The following NHSL1 variants were observed in gnomAD, a reference collection of about 807,000 sequenced individuals.
NHSL1 encodes the protein NHS like 1.
NHSL1 carries 48 observed loss-of-function variants against 95.0 expected under a neutral mutation model. The observed-to-expected ratio is 0.51, with a 90% confidence interval of 0.40 to 0.64. The LOEUF is 0.64. Ranked by LOEUF, NHSL1 falls within the 30% of genes least tolerant of loss-of-function variation. NHSL1 has a pLI of 0.00. For missense variants in NHSL1, 1,971 were observed against 2,077.7 expected (o/e 0.95, Z 1.00); for synonymous variants, 783 against 833.9 (o/e 0.94, Z 1.05).
At position 138,650,393 on chromosome 6, in the gene NHSL1, G is replaced by T. The variant is rs747683280; in HGVS notation, c.96+42083C>A. 3.5e-6 allele frequency: 5 copies of T among 1,413,994 alleles called. No individual in the cohort carries two copies. In the Admixed American group the frequency reaches 5.2e-5, roughly 15 times the overall value. 87.6% of individuals were successfully genotyped at this position (1,413,994 alleles called of 1,614,324 possible). ...CACAGTTGTTCACAGCCATGAGGTC[G>T]CCGACTAGCAGGAAGGGGTAGGTCA... On this transcript the variant is annotated intron_variant, in intron 1 of 3. Coordinates refer to the NHSL1 transcript ENST00000491526.
intron 1 of NHSL1, among the ~76,000 whole-genome samples, chr6:138,605,148 G>A (rs1027995492): frequency 1.3e-5 from 2 of 152,146 alleles, no homozygotes; most frequent in Non-Finnish European, 2.9e-5. Context: ...GCAGAAAACT[G>A]ACTGGCATGA....
intron 1 of NHSL1, among the ~76,000 whole-genome samples, chr6:138,621,671 T>C (rs1424164655): frequency 6.6e-6 from 1 of 152,172 alleles, no homozygotes; most frequent in African/African-American, 2.4e-5. Context: ...GGTTTCACCA[T>C]GTTGGCCAGG....
chr6:138,532,825 T>C (rs545824608), intron 1 of NHSL1, among the ~76,000 whole-genome samples: 1 of 152,242 alleles, frequency 6.6e-6, no homozygotes, highest in Non-Finnish European at 1.5e-5. Flanking sequence ...TCCAGGCTCA[T>C]CCCGAATGTG....
intron 1 of NHSL1, among the ~76,000 whole-genome samples, chr6:138,608,229 G>C: frequency 6.6e-6 from 1 of 152,222 alleles, no homozygotes; most frequent in South Asian, 2.1e-4. Context: ...AGAAAATCAT[G>C]AAAATTACTT....
intron 1 of NHSL1, among the ~76,000 whole-genome samples, chr6:138,541,984 G>A (rs73774828): frequency 6.2e-4 from 95 of 152,284 alleles, no homozygotes; most frequent in African/African-American, 2.1e-3. Flanking sequence ...GTTGAATAGC[G>A]TCCTCCCAAA....
At chr6:138,595,596 T>C (rs1054196911) in intron 1 of NHSL1, among the ~76,000 whole-genome samples, 2 of 152,190 alleles carry the variant, frequency 1.3e-5, no homozygotes, top group African/African-American at 4.8e-5. Flanking sequence ...AACAGATATA[T>C]TAAGTCTTTT....
intron 5 of NHSL1, among the ~76,000 whole-genome samples, chr6:138,439,855 G>A (rs1340546266): frequency 6.6e-6 from 1 of 151,794 alleles, no homozygotes; most frequent in Non-Finnish European, 1.5e-5. Context: ...AAATGAACGT[G>A]GATTCCAGAG....
intron 1 of NHSL1, among the ~76,000 whole-genome samples, chr6:138,526,070 G>C (rs72975229): frequency 4.2e-5 from 6 of 141,468 alleles, no homozygotes; most frequent in Non-Finnish European, 9.0e-5. Context: ...TCTAACCTGA[G>C]CAACAGAGCG....
At chr6:138,681,323 G>C (rs758778896) in intron 1 of NHSL1, among the ~76,000 whole-genome samples, 11 of 152,216 alleles carry the variant, frequency 7.2e-5, no homozygotes, top group Non-Finnish European at 1.3e-4. Context: ...CTGGACAGAA[G>C]GAGTGAGACT....
intron 1 of NHSL1, among the ~76,000 whole-genome samples, chr6:138,637,387 G>GA: frequency 6.6e-6 from 1 of 152,112 alleles, no homozygotes; most frequent in Non-Finnish European, 1.5e-5. Flanking sequence ...AAGCAAAAAT[G>GA]AACACATTGG....
In NHSL1 at chr6:138,433,418, C is replaced by G; in HGVS notation, c.927G>C (p.Gly309=). Residue 309 remains glycine (G), a synonymous_variant, in exon 6 of 8, where the codon GGG becomes GGC. Coordinates refer to ENST00000343505, the MANE Select transcript of NHSL1 (RefSeq NM_001144060.2). ...TGTCAAGGCGGGAAGGGAATACGAT[C>G]CCTGCAGAATCGCTCAGCACAGACA... is the stretch of plus-strand genomic sequence containing the variant. ...GNMSVLSDSA[G]IVFPSRLDSD... is the part of the protein sequence containing the mutation. The G allele has an allele frequency of 6.4e-7, 1 of 1,552,360 alleles. No individual in the cohort carries two copies. Among genetic ancestry groups the G allele is most frequent in the South Asian group, 1.2e-5 (1 of 84,062 alleles).
Position 138,429,798 on chromosome 6 carries a change from C to A in NHSL1, c.3998G>T (p.Cys1333Phe). ...TNAAGSSSEACDFLKEDGNDE... is the reference protein window; with the variant it reads ...TNAAGSSSEAFDFLKEDGNDE... ...ATTCCCGTCTTCCTTGAGGAAGTCA[C>A]AGGCCTCTGAGGATGAACCGGCTGC... Residue 1333 changes from cysteine to phenylalanine, a missense_variant, in exon 7 of 8, where the codon TGT (cysteine) becomes TTT (phenylalanine). Physicochemically the swap from Cys to Phe is radical, Grantham distance 205. This residue lies in a region of NHSL1 where 146 missense variants were observed against 206.3 expected (regional missense o/e 0.71). Transcript: ENST00000343505. The A allele has an allele frequency of 6.4e-7, 1 of 1,551,758 alleles. No individual in the cohort carries two copies. Among genetic ancestry groups the A allele is most frequent in the Non-Finnish European group, 8.7e-7 (1 of 1,146,970 alleles).
intron 1 of NHSL1, among the ~76,000 whole-genome samples, chr6:138,665,574 G>A (rs1048671239): frequency 2.6e-5 from 4 of 152,206 alleles, no homozygotes; most frequent in African/African-American, 9.7e-5. Context: ...TGGCTGGATG[G>A]ATGGATAAAT....
chr6:138,600,730 C>T (rs2114559327), intron 1 of NHSL1, among the ~76,000 whole-genome samples: 1 of 152,000 alleles, frequency 6.6e-6, no homozygotes, highest in Non-Finnish European at 1.5e-5. Flanking sequence ...TCTTACTATC[C>T]CTATTAGAGC....
chr6:138,675,770 G>A (rs979812931), intron 1 of NHSL1, among the ~76,000 whole-genome samples: 4 of 152,136 alleles, frequency 2.6e-5, no homozygotes, highest in Admixed American at 2.0e-4. Flanking sequence ...CTGACCTCAG[G>A]TGATTCACCT....
chr6:138,497,240 G>A (rs1353369930), intron 1 of NHSL1, among the ~76,000 whole-genome samples: 2 of 152,158 alleles, frequency 1.3e-5, no homozygotes, highest in African/African-American at 4.8e-5. Flanking sequence ...AAATGAGGCC[G>A]ACAGCACCAA....
At position 138,645,844 on chromosome 6, in the gene NHSL1, G is replaced by A. The variant is rs370884176; in HGVS notation, c.96+46632C>T. On this transcript the variant is annotated intron_variant, in intron 1 of 3. Transcript: ENST00000491526. ...CTCTGCCTCCACAAACATCACCAGA[G>A]CAGGAATTTTGGTCTTTTTGTTCAC... 2.9e-3 allele frequency among the ~76,000 whole-genome samples: 448 copies of A among 152,198 alleles called. 2 individuals are homozygous for A. Among genetic ancestry groups the A allele is most frequent in the South Asian group, 7.5e-3 (36 of 4,820 alleles).
intron 3 of NHSL1, 64 bp from the exon 4 acceptor site, chr6:138,447,257 T>TA: frequency 2.3e-6 from 3 of 1,328,666 alleles, no homozygotes; most frequent in Non-Finnish European, 3.1e-6. Flanking sequence ...TTTTAAAATA[T>TA]ATTTCTTATT....
chr6:138,559,391 C>A (rs1357725850), intron 1 of NHSL1, among the ~76,000 whole-genome samples: 1 of 152,222 alleles, frequency 6.6e-6, no homozygotes, highest in Non-Finnish European at 1.5e-5. Context: ...ATCACTCGGT[C>A]CTGCTGCCAA....
Sources: gnomAD v4.1 joint callset for allele counts (sites outside exome capture counted in the v4.1 genomes callset) on GRCh38, gnomAD v4.1.1 for gene constraint, gnomAD v4.1.1 regional missense constraint, MANE v1.5 for transcripts, NCBI Gene and HGNC (gene_info 2026-07-23, HGNC 2026-07-21) for gene names.